The following SET variants were observed in gnomAD, a reference collection of about 807,000 sequenced individuals.
SET encodes SET nuclear proto-oncogene.
SET carries 4 observed loss-of-function variants against 39.0 expected under a neutral mutation model. The observed-to-expected ratio is 0.10, with a 90% CI of 0.05 to 0.23. The LOEUF (loss-of-function observed/expected upper bound fraction) is 0.23. Among genes scored for constraint, SET ranks in the 10% least tolerant of loss-of-function variants. SET has a pLI of 1.00. For synonymous variants in SET, 114 were observed against 115.9 expected, an observed-to-expected ratio of 0.98 and a Z score of 0.11; for missense variants, 137 against 329.7, an observed-to-expected ratio of 0.42 and a Z score of 4.53.
rs930294187 is a variant in SET at position 128,695,659 on chromosome 9, A to G, written c.*995A>G. 29 of 225,622 alleles carry G rather than the reference A, an allele frequency of 1.3e-4. No individual in the cohort carries two copies. Among genetic ancestry groups the G allele is most frequent in the Admixed American group, 4.5e-4 (8 of 17,620 alleles). 14.0% of individuals were successfully genotyped at this position (225,622 alleles called of 1,614,324 possible). ...TTTTTGATACGCACTTTGCAGGATGACCTCAGGGCTATGTGGATTGAGTAA... is the reference window on the plus strand; with the variant it reads ...TTTTTGATACGCACTTTGCAGGATGGCCTCAGGGCTATGTGGATTGAGTAA... On this transcript the variant is annotated 3_prime_UTR_variant, in exon 8 of 8. Coordinates refer to ENST00000322030, the MANE Select transcript of SET (RefSeq NM_003011.4).
At chr9:128,691,270 G>C (rs1482530779) in intron 2 of SET, 43 bp downstream of exon 2, 3 of 1,192,402 alleles carry the variant, frequency 2.5e-6, no homozygotes, top group Non-Finnish European at 3.7e-6. Flanking sequence ...TTTCTGAGAT[G>C]TGTCTAATAG....
chr9:128,688,889 G>T (rs1054772578), upstream of SET, among the ~76,000 whole-genome samples: 1 of 152,058 alleles, frequency 6.6e-6, no homozygotes, highest in Non-Finnish European at 1.5e-5. Flanking sequence ...CCCCGCTCCC[G>T]GTGCCCCGCG....
chr9:128,690,416 C>G (rs998387319), intron 1 of SET: 3 of 152,460 alleles, frequency 2.0e-5, no homozygotes, highest in African/African-American at 7.2e-5. Flanking sequence ...CTGGCCCTTT[C>G]ACACCCACTT....
chr9:128,689,989 G>T, intron 1 of SET: 1 of 1,025,206 alleles, frequency 9.8e-7, no homozygotes, highest in South Asian at 3.0e-5. Context: ...GCTCCGCCAT[G>T]ATGCCTCGCT....
rs1276443619 is a variant in SET at position 128,691,182 on chromosome 9, A to G, written c.86A>G (p.Gln29Arg). ...TCCTTTTTTGCAGAAAAAGAACAGC[A>G]AGAAGCGATTGAACACATTGATGAA... ...GADETSEKEQQEAIEHIDEVQ... is the reference protein window; with the variant it reads ...GADETSEKEQREAIEHIDEVQ... Residue 29 changes from glutamine to arginine, a missense_variant, in exon 2 of 8, where the codon CAA becomes CGA. Transcript: ENST00000322030. The G allele has an allele frequency of 1.2e-6, 2 of 1,606,446 alleles. No individual in the cohort carries two copies. The highest frequency in any genetic ancestry group is 1.7e-5 in the Admixed American group (1 of 58,784).
upstream of SET, among the ~76,000 whole-genome samples, chr9:128,686,773 A>T (rs1246251129): frequency 6.6e-6 from 1 of 151,912 alleles, no homozygotes; most frequent in Non-Finnish European, 1.5e-5. Flanking sequence ...GGAGTTTGAG[A>T]CCAGCCTGGG....
rs539856262 is a variant in SET at position 128,683,662 on chromosome 9, T to C, written c.-234T>C. On this transcript the variant is annotated 5_prime_UTR_variant, in exon 1 of 8. Coordinates refer to the SET transcript ENST00000372692. ...CCTCCCCCAAAGCCAAGAGTGCCCC[T>C]GCAGAGCGAGGCAGAGAGCAACTAA... 7.0e-4 allele frequency: 315 copies of C among 448,292 alleles called. 1 individual carries two copies. Among genetic ancestry groups the C allele is most frequent in the African/African-American group, 5.7e-3 (281 of 49,088 alleles). 27.8% of individuals were successfully genotyped at this position (448,292 alleles called of 1,614,324 possible).
chr9:128,689,599 C>G lies in SET; in HGVS notation c.17C>G (p.Ala6Gly). Residue 6 changes from alanine to glycine, a missense_variant, in exon 1 of 8, where the codon GCC becomes GGC. By Grantham distance (60) the Ala-to-Gly change is moderately conservative (BLOSUM62 0). Around this residue, in one of 3 missense-constraint regions of SET, gnomAD observed 34 missense variants for 29.5 expected, o/e 1.15. Transcript: ENST00000322030. ...AGCAGCACCATGTCGGCGCCGGCGGCCAAAGTCAGTAAAAAGGAGCTCAAC... is the reference window on the plus strand; with the variant it reads ...AGCAGCACCATGTCGGCGCCGGCGGGCAAAGTCAGTAAAAAGGAGCTCAAC... MSAPA[A>G]KVSKKELNSN... 1.4e-6 allele frequency: 2 copies of G among 1,382,118 alleles called. No homozygotes were observed. Among genetic ancestry groups the G allele is most frequent in the Non-Finnish European group, 9.5e-7 (1 of 1,049,700 alleles). 85.6% of individuals were successfully genotyped at this position (1,382,118 alleles called of 1,614,324 possible). A position where few individuals can be genotyped will look rare whatever the true frequency, so the allele number is the denominator to read the frequency against.
At chr9:128,683,770 T>A in exon 1 of SET, 1 of 727,406 alleles carries the variant, frequency 1.4e-6, no homozygotes, top group South Asian at 1.9e-5. Context: ...CATGTAAATA[T>A]CCCTTCCAGG....
chr9:128,693,600 G>A, intron 5 of SET, 38 bp from the exon 6 acceptor site: 1 of 1,554,460 alleles, frequency 6.4e-7, no homozygotes, highest in Non-Finnish European at 8.7e-7. Flanking sequence ...GGGTGTTATG[G>A]AGAGATTGTA....
upstream of SET, among the ~76,000 whole-genome samples, chr9:128,688,620 G>A (rs1327205825): frequency 6.6e-6 from 1 of 152,236 alleles, no homozygotes; most frequent in Non-Finnish European, 1.5e-5. Context: ...AACGGGTTCA[G>A]AGAGGAAGGG....
chr9:128,685,070 G>A (rs1355893591), upstream of SET: 1 of 1,527,352 alleles, frequency 6.5e-7, no homozygotes, highest in African/African-American at 1.4e-5. Context: ...CTGAGGGCAG[G>A]CAACTCTTAT....
chr9:128,683,495 AAAAG>A (rs1156505512), upstream of SET: 1 of 237,700 alleles, frequency 4.2e-6, no homozygotes, highest in African/African-American at 2.2e-5. Flanking sequence ...AAGGAAAAAA[AAAAG>A]AGGATAAGTT....
At chr9:128,691,534 T>C (rs899468035) in intron 2 of SET, among the ~76,000 whole-genome samples, 8 of 152,222 alleles carry the variant, frequency 5.3e-5, no homozygotes, top group Admixed American at 4.6e-4. Flanking sequence ...TACAACTTTG[T>C]TATGGATTAG....
At position 128,691,018 on chromosome 9, in the gene SET, TAGTC is replaced by T. The variant is rs529626543; in HGVS notation, c.74-149_74-146del. 6.7e-4 allele frequency: 481 copies of T among 721,508 alleles called. 1 individual carries two copies. Among genetic ancestry groups the T allele is most frequent in the Admixed American group, 2.2e-3 (92 of 42,770 alleles). The allele number at this position is 721,508 out of a possible 1,614,324, so 44.7% of individuals were successfully genotyped here. A position where few individuals can be genotyped will look rare whatever the true frequency, so the allele number is the denominator to read the frequency against. ...GTCTTTTAATTAATTAAAAAGAAAT[TAGTC>T]AGCTACAAGCATGAACATGTGGAAC... On this transcript the variant is annotated intron_variant, in intron 1 of 7. Transcript: ENST00000322030.
intron 1 of SET, chr9:128,690,052 C>A (rs1487187583): frequency 5.8e-5 from 56 of 963,868 alleles, no homozygotes; most frequent in Non-Finnish European, 6.8e-5. Flanking sequence ...GCCCCGCGCC[C>A]GACCTCCCGC....
chr9:128,685,029 G>A, upstream of SET: 4 of 1,483,922 alleles, frequency 2.7e-6, no homozygotes, highest in African/African-American at 1.4e-5. Flanking sequence ...ATAGGCCCAG[G>A]GCCTGCAAGG....
intron 1 of SET, among the ~76,000 whole-genome samples, 166 bp downstream of exon 1, chr9:128,689,821 C>T (rs1352474020): frequency 6.9e-6 from 1 of 144,488 alleles, no homozygotes; most frequent in African/African-American, 2.5e-5. Context: ...TTGTGCGCGG[C>T]TGGGCTGGGG....
At chr9:128,690,898 C>A (rs1232774298) in intron 1 of SET, among the ~76,000 whole-genome samples, 1 of 152,110 alleles carries the variant, frequency 6.6e-6, no homozygotes, top group Non-Finnish European at 1.5e-5. Flanking sequence ...ATAGTAGAAA[C>A]CTTAATGATC....
Sources: allele counts gnomAD v4.1 joint callset (sites outside exome capture counted in the v4.1 genomes callset), GRCh38; gene constraint gnomAD v4.1.1; regional missense constraint gnomAD v4.1.1; transcripts MANE v1.5; gene names NCBI Gene and HGNC (gene_info 2026-07-23, HGNC 2026-07-21).